Variants in ATAD2B observed in about 807,000 individuals in gnomAD.
ATAD2B encodes ATPase family AAA domain-containing protein 2B.
Under a neutral mutation model 167.6 loss-of-function variants are expected in ATAD2B, and 40 were observed. That is an observed-to-expected ratio of 0.24 (90% CI 0.19 to 0.31). The LOEUF (loss-of-function observed/expected upper bound fraction) is 0.31, where lower values mean the gene tolerates loss of function less well. Among genes scored for constraint, ATAD2B ranks in the 10% least tolerant of loss-of-function variants. The pLI is 1.00. For missense variants in ATAD2B, 1,242 were observed against 1,757.2 expected (o/e 0.71, Z 5.24); for synonymous variants, 579 against 596.5 (o/e 0.97, Z 0.43).
At chr2:23,698,925 T>A in the ATAD2B span, among the ~76,000 whole-genome samples, 118 of 152,224 alleles carry the variant, frequency 7.8e-4, 3 homozygotes, top group Non-Finnish European at 2.2e-4. Context: ...AGCCACATAA[T>A]CTTCCACTGT....
At chr2:23,723,825 C>T in the ATAD2B span, among the ~76,000 whole-genome samples, 30 of 152,286 alleles carry the variant, frequency 2.0e-4, no homozygotes, top group Admixed American at 3.3e-4. Flanking sequence ...ATATTTGTTG[C>T]AGCACTATTC....
At chr2:23,686,393 C>T in the ATAD2B span, among the ~76,000 whole-genome samples, 1 of 152,104 alleles carries the variant, frequency 6.6e-6, no homozygotes, top group East Asian at 1.9e-4. Flanking sequence ...CTGACTCCGC[C>T]GCTTGTCTTG....
intron 22 of ATAD2B, among the ~76,000 whole-genome samples, chr2:23,775,440 T>C (rs190738526): frequency 9.7e-4 from 147 of 152,164 alleles, no homozygotes; most frequent in African/African-American, 3.4e-3. Flanking sequence ...TCTCGATCTC[T>C]TGCCCTCGTG....
chr2:23,901,987 G>T (rs1700899858), intron 1 of ATAD2B, among the ~76,000 whole-genome samples: 1 of 151,878 alleles, frequency 6.6e-6, no homozygotes, highest in East Asian at 1.9e-4. Flanking sequence ...TTATTTATTG[G>T]CCATTTGCAT....
intron 11 of ATAD2B, among the ~76,000 whole-genome samples, chr2:23,863,839 T>C (rs957909435): frequency 3.3e-5 from 5 of 152,130 alleles, no homozygotes; most frequent in African/African-American, 1.2e-4. Context: ...TTAGAATAAA[T>C]AATGTAGAAA....
intron 15 of ATAD2B, among the ~76,000 whole-genome samples, chr2:23,828,516 T>A (rs1688577199): frequency 6.6e-6 from 1 of 152,176 alleles, no homozygotes; most frequent in Admixed American, 6.5e-5. Flanking sequence ...CCTTTCTCTC[T>A]CAAGTTCAAG....
At chr2:23,692,473 A>T in the ATAD2B span, among the ~76,000 whole-genome samples, 1 of 152,222 alleles carries the variant, frequency 6.6e-6, no homozygotes, top group Non-Finnish European at 1.5e-5. Flanking sequence ...GAAAGCCCCC[A>T]AAGAAGCAGT....
At chr2:23,896,902 C>G (rs1700227422) in intron 1 of ATAD2B, among the ~76,000 whole-genome samples, 1 of 152,112 alleles carries the variant, frequency 6.6e-6, no homozygotes, top group East Asian at 1.9e-4. Context: ...TTTGGGAGGC[C>G]AAGGCGGGGC....
At chr2:23,687,851 T>G in the ATAD2B span, among the ~76,000 whole-genome samples, 2 of 152,118 alleles carry the variant, frequency 1.3e-5, no homozygotes, top group South Asian at 4.2e-4. Flanking sequence ...AGGCTAGACC[T>G]GGGTCACAGG....
At chr2:23,682,195 C>T in the ATAD2B span, among the ~76,000 whole-genome samples, 2 of 152,188 alleles carry the variant, frequency 1.3e-5, no homozygotes, top group Non-Finnish European at 2.9e-5. This position sits in a 1 kb window ranked among gnomAD's most constrained non-coding sequence, Gnocchi z 4.1. Flanking sequence ...TGTGTAATTC[C>T]GGCCTTCTCA....
In ATAD2B at chr2:23,880,642, T is replaced by C. The variant is rs1697743724; in HGVS notation, c.898A>G (p.Ile300Val). 6.3e-7 allele frequency: 1 copy of C among 1,577,168 alleles called. No homozygotes were observed. The highest frequency in any genetic ancestry group is 8.7e-7 in the Non-Finnish European group (1 of 1,152,212). ...KTVDRYQAPPIVPAHQKKREN... is the reference protein window; with the variant it reads ...KTVDRYQAPPVVPAHQKKREN... ...AAAGTTATTTAGAGTTGCCTACCTA[T>C]TGGAGGTGCTTGGTATCGATCCACT... The change falls in exon 7 of 28, where the codon ATA (isoleucine) becomes GTA (valine). Residue 300 changes from isoleucine to valine, a missense_variant. Physicochemically the swap from Ile to Val is conservative, Grantham distance 29. Around this residue, in one of 9 missense-constraint regions of ATAD2B, gnomAD observed 127 missense variants for 146.3 expected, o/e 0.87. Coordinates refer to ENST00000238789, the MANE Select transcript of ATAD2B (RefSeq NM_017552.4).
chr2:23,854,347 A>G (rs1203215268), intron 13 of ATAD2B, among the ~76,000 whole-genome samples: 3 of 152,136 alleles, frequency 2.0e-5, no homozygotes, highest in Non-Finnish European at 2.9e-5. Flanking sequence ...CTGATACACA[A>G]ACATTAACGT....
chr2:23,680,318 G>C, the ATAD2B span, among the ~76,000 whole-genome samples: 1 of 152,146 alleles, frequency 6.6e-6, no homozygotes, highest in Non-Finnish European at 1.5e-5. This position sits in a 1 kb window ranked among gnomAD's most constrained non-coding sequence, Gnocchi z 4.1. Flanking sequence ...ACGGGAAGAG[G>C]AGCTCCATGC....
chr2:23,761,323 T>C (rs1004815903), intron 24 of ATAD2B, among the ~76,000 whole-genome samples: 42 of 152,348 alleles, frequency 2.8e-4, no homozygotes, highest in African/African-American at 1.0e-3. Context: ...ATATTATAGC[T>C]AGCTTTACTG....
At chr2:23,741,775 A>C in the ATAD2B span, among the ~76,000 whole-genome samples, 10 of 152,350 alleles carry the variant, frequency 6.6e-5, no homozygotes, top group Admixed American at 3.3e-4. Flanking sequence ...CAACCTACAG[A>C]ATGGGAGAAA....
intron 13 of ATAD2B, among the ~76,000 whole-genome samples, chr2:23,848,245 A>G (rs1691998079): frequency 6.6e-6 from 1 of 152,156 alleles, no homozygotes; most frequent in African/African-American, 2.4e-5. Flanking sequence ...GCTCACACCT[A>G]TAATCCCCAC....
At chr2:23,793,481 T>C (rs1427533401) in intron 19 of ATAD2B, among the ~76,000 whole-genome samples, 3 of 152,172 alleles carry the variant, frequency 2.0e-5, no homozygotes, top group Non-Finnish European at 2.9e-5. Context: ...CATAAATACC[T>C]TGCAATTCCC....
intron 22 of ATAD2B, among the ~76,000 whole-genome samples, chr2:23,773,543 G>C (rs1239708958): frequency 6.6e-6 from 1 of 152,122 alleles, no homozygotes; most frequent in Admixed American, 6.5e-5. Flanking sequence ...AAAAAGAATA[G>C]AATAAAAGTT....
the ATAD2B span, among the ~76,000 whole-genome samples, chr2:23,705,966 G>C: frequency 6.6e-6 from 1 of 152,348 alleles, no homozygotes; most frequent in East Asian, 1.9e-4. Context: ...TGCAGAGCAT[G>C]CCCGGCCCTT....
Sources: gnomAD v4.1 joint callset for allele counts (sites outside exome capture counted in the v4.1 genomes callset) on GRCh38, gnomAD v4.1.1 for gene constraint, gnomAD v4.1.1 regional missense constraint, Gnocchi (gnomAD v3.1) non-coding constraint, MANE v1.5 for transcripts, NCBI Gene and HGNC (gene_info 2026-07-23, HGNC 2026-07-21) for gene names.